The following KCNIP4 variants were observed in gnomAD, a reference collection of about 807,000 sequenced individuals.
The protein encoded by KCNIP4 is Kv channel-interacting protein 4.
Under a neutral mutation model 34.0 loss-of-function variants are expected in KCNIP4, and 12 were observed. That is an observed-to-expected ratio of 0.35 (90% CI 0.23 to 0.57). KCNIP4 has a LOEUF of 0.57. Ranked by LOEUF, KCNIP4 falls within the 20% of genes least tolerant of loss-of-function variation. KCNIP4 has a pLI of 0.83. For synonymous variants in KCNIP4, 124 were observed against 102.2 expected, an observed-to-expected ratio of 1.21 and a Z score of -1.29; for missense variants, 238 against 311.7, an observed-to-expected ratio of 0.76 and a Z score of 1.78.
rs533762319 is a variant in KCNIP4 at position 20,822,227 on chromosome 4, C to A, written c.288+28316G>T. Among the ~76,000 whole-genome samples the A allele has an allele frequency of 3.3e-5, 5 of 152,066 alleles. No individual in the cohort carries two copies. In the East Asian group the frequency reaches 9.7e-4, roughly 29 times the overall value. ...CTCAAACAAATCAGCAAGAAAAAAA[C>A]AAATAATCCCATCAAAAAGCAGGCC... On this transcript the variant is annotated intron_variant, in intron 3 of 8. Transcript: ENST00000382152.
At chr4:21,665,030 A>C (rs976793187) in intron 1 of KCNIP4, among the ~76,000 whole-genome samples, 1 of 152,206 alleles carries the variant, frequency 6.6e-6, no homozygotes, top group East Asian at 1.9e-4. Context: ...TGATCTATTA[A>C]TGGCTATCAT....
intron 1 of KCNIP4, among the ~76,000 whole-genome samples, chr4:21,296,001 T>G (rs183824121): frequency 6.6e-6 from 1 of 152,136 alleles, no homozygotes; most frequent in African/African-American, 2.4e-5. Context: ...ACGGTTTGTA[T>G]CTCAAAACTC....
intron 5 of KCNIP4, among the ~76,000 whole-genome samples, chr4:20,739,015 T>G (rs913726331): frequency 6.6e-6 from 1 of 152,122 alleles, no homozygotes; most frequent in Non-Finnish European, 1.5e-5. Flanking sequence ...GAGATCGAAC[T>G]GCAAGGCAAC....
chr4:21,171,530 T>G (rs998236032), intron 1 of KCNIP4, among the ~76,000 whole-genome samples: 3 of 152,152 alleles, frequency 2.0e-5, no homozygotes, highest in African/African-American at 7.2e-5. Context: ...TCAATATAAG[T>G]GCATTTTCAG....
At chr4:21,615,661 A>C (rs184022577) in intron 1 of KCNIP4, among the ~76,000 whole-genome samples, 11 of 152,340 alleles carry the variant, frequency 7.2e-5, no homozygotes, top group African/African-American at 2.6e-4. Context: ...AATAAAGTAC[A>C]TCTCTAAAAT....
chr4:20,958,946 T>A (rs1035052570), intron 1 of KCNIP4, among the ~76,000 whole-genome samples: 1 of 152,316 alleles, frequency 6.6e-6, no homozygotes, highest in Admixed American at 6.5e-5. Context: ...GGGATTAACC[T>A]TTACAGCTGT....
At chr4:21,005,405 C>T (rs1738470802) in intron 1 of KCNIP4, among the ~76,000 whole-genome samples, 1 of 152,150 alleles carries the variant, frequency 6.6e-6, no homozygotes, top group African/African-American at 2.4e-5. Context: ...TCATTGGGGC[C>T]TTCTCACTTT....
chr4:21,195,320 A>T (rs1755977514), intron 1 of KCNIP4, among the ~76,000 whole-genome samples: 3 of 152,226 alleles, frequency 2.0e-5, no homozygotes, highest in African/African-American at 7.2e-5. Flanking sequence ...ATATATGTGT[A>T]CTCAAATATT....
Position 21,142,652 on chromosome 4 carries a change from C to A in KCNIP4, c.62-259943G>T, listed in dbSNP as rs115108496. On this transcript the variant is annotated intron_variant, in intron 1 of 8. Transcript: ENST00000382152. ...AGTTGCTATCTTCCTATGTGTCTCC[C>A]GCCCTTGCCTTCCTGCCAGCATCTC... is the stretch of plus-strand genomic sequence containing the variant. Among the ~76,000 whole-genome samples the A allele has an allele frequency of 1.8e-3, 273 of 152,214 alleles. 2 individuals carry two copies. The highest frequency in any genetic ancestry group is 6.1e-3 in the African/African-American group (254 of 41,530).
chr4:21,740,876 G>C (rs1471232203), intron 1 of KCNIP4, among the ~76,000 whole-genome samples: 1 of 152,018 alleles, frequency 6.6e-6, no homozygotes, highest in Non-Finnish European at 1.5e-5. Flanking sequence ...AGATGGTCAA[G>C]AAAAGAAAAT....
rs1299921066 is a variant in KCNIP4 at position 21,282,207 on chromosome 4, AT to A, written c.62-399499del. On this transcript the variant is annotated intron_variant, in intron 1 of 8. Coordinates refer to ENST00000382152, the MANE Select transcript of KCNIP4 (RefSeq NM_025221.6). The stretch of plus-strand genomic sequence containing the variant: ...AATTGCACTAGCAAATCTACATTTA[AT>A]TTATATGTTATTTGTTATTTTTCTT... Among the ~76,000 whole-genome samples, 6 of 152,228 alleles carry A rather than the reference AT, an allele frequency of 3.9e-5. No individual in the cohort carries two copies. In the East Asian group the frequency reaches 1.2e-3, roughly 29 times the overall value.
In KCNIP4 at chr4:20,844,751, T is replaced by C. The variant is rs530370545; in HGVS notation, c.288+5792A>G. Among the ~76,000 whole-genome samples the C allele has an allele frequency of 2.6e-5, 4 of 152,306 alleles. No homozygotes were observed. The South Asian group carries it at 8.3e-4, about 32-fold the overall frequency. On this transcript the variant is annotated intron_variant, in intron 3 of 8. Transcript: ENST00000382152. Reference sequence around the variant, plus strand: ...GCAAAAATGTAGATCCCTATAATTTTACCTTCCATCTGTTTCATCTGTTTT... The same window carrying C: ...GCAAAAATGTAGATCCCTATAATTTCACCTTCCATCTGTTTCATCTGTTTT...
Position 21,083,087 on chromosome 4 carries a change from C to G in KCNIP4, c.62-200378G>C, listed in dbSNP as rs1746141930. Among the ~76,000 whole-genome samples the G allele has an allele frequency of 2.0e-5, 3 of 151,868 alleles. No homozygotes were observed. The South Asian group carries it at 6.2e-4, about 32-fold the overall frequency. On this transcript the variant is annotated intron_variant, in intron 1 of 8. Transcript: ENST00000382152. ...GTTTCAAAGGCTGCAGTCTTTACCCCTCATCATATTGCCTTGCTTTTGTTG... is the reference window on the plus strand; with the variant it reads ...GTTTCAAAGGCTGCAGTCTTTACCCGTCATCATATTGCCTTGCTTTTGTTG...
chr4:21,531,316 C>T (rs922244691), intron 1 of KCNIP4, among the ~76,000 whole-genome samples: 2 of 146,670 alleles, frequency 1.4e-5, no homozygotes, highest in Non-Finnish European at 3.0e-5. Flanking sequence ...TTTCTTCCTT[C>T]CTTCCTTCCT....
intron 3 of KCNIP4, among the ~76,000 whole-genome samples, chr4:20,840,985 A>C (rs1719648677): frequency 6.6e-6 from 1 of 152,348 alleles, no homozygotes; most frequent in Non-Finnish European, 1.5e-5. Context: ...AATCAAAGGA[A>C]GTTCTTCATT....
At chr4:21,152,321 T>C (rs749559804) in intron 1 of KCNIP4, among the ~76,000 whole-genome samples, 3 of 152,170 alleles carry the variant, frequency 2.0e-5, no homozygotes, top group Non-Finnish European at 4.4e-5. Context: ...TACTGTCTAA[T>C]TTCTTCACTT....
At chr4:21,432,837 T>A (rs1726610299) in intron 1 of KCNIP4, among the ~76,000 whole-genome samples, 1 of 152,084 alleles carries the variant, frequency 6.6e-6, no homozygotes, top group Non-Finnish European at 1.5e-5. Flanking sequence ...ATGGACCAGG[T>A]CAGATAGTTG....
intron 1 of KCNIP4, among the ~76,000 whole-genome samples, chr4:20,900,241 A>G (rs1356106217): frequency 6.6e-6 from 1 of 152,188 alleles, no homozygotes; most frequent in Admixed American, 6.5e-5. Flanking sequence ...GCTATAACTA[A>G]ACATTGAAAA....
At chr4:21,615,584 G>A (rs745875959) in intron 1 of KCNIP4, among the ~76,000 whole-genome samples, 2 of 151,546 alleles carry the variant, frequency 1.3e-5, no homozygotes, top group Admixed American at 6.6e-5. Context: ...ACATATAAAA[G>A]TAACAAATAT....
Sources: allele counts gnomAD v4.1 joint callset (sites outside exome capture counted in the v4.1 genomes callset), GRCh38; gene constraint gnomAD v4.1.1; transcripts MANE v1.5; gene names NCBI Gene and HGNC (gene_info 2026-07-23, HGNC 2026-07-21).